GCSAML: variants seen among roughly 807,000 people sequenced by gnomAD.
GCSAML encodes the protein germinal center-associated signaling and motility-like protein.
Under a neutral mutation model 13.0 loss-of-function variants are expected in GCSAML, and 9 were observed. That is an observed-to-expected ratio of 0.69 (90% CI 0.42 to 1.21). The LOEUF is 1.21. GCSAML is among the 50% of genes most tolerant of loss of function. The probability of loss-of-function intolerance (pLI) is 0.00; values close to 1 mark genes in which losing one functional copy is unlikely to be tolerated. For missense variants in GCSAML, 143 were observed against 153.4 expected, an observed-to-expected ratio of 0.93 and a Z score of 0.36; for synonymous variants, 37 against 52.9, an observed-to-expected ratio of 0.70 and a Z score of 1.31.
At chr1:247,511,114 G>A (rs1666020876) in intron 1 of GCSAML, among the ~76,000 whole-genome samples, 3 of 151,762 alleles carry the variant, frequency 2.0e-5, no homozygotes, top group Admixed American at 2.0e-4. Context: ...CCAGTTTATT[G>A]TGTGGGAGTC....
Position 247,524,488 on chromosome 1 carries a change from G to A in GCSAML, c.-262-2452G>A, listed in dbSNP as rs771277326. Among the ~76,000 whole-genome samples the A allele has an allele frequency of 2.6e-5, 4 of 152,126 alleles. No individual in the cohort carries two copies. In the South Asian group the frequency reaches 6.2e-4, roughly 24 times the overall value. On this transcript the variant is annotated intron_variant, in intron 1 of 5. Coordinates refer to the GCSAML transcript ENST00000366489. Reference sequence around the variant, plus strand: ...TGGCAGTTGATCGTATCTCTTAACCGACATTCTCATTTGCTTGCTTTGTTG... The same window carrying A: ...TGGCAGTTGATCGTATCTCTTAACCAACATTCTCATTTGCTTGCTTTGTTG...
Position 247,577,314 on chromosome 1 carries a change from G to T in GCSAML, c.*2932G>T, listed in dbSNP as rs1449039045. 6.6e-6 allele frequency: 1 copy of T among 152,148 alleles called. No homozygotes were observed. Among genetic ancestry groups the T allele is most frequent in the Non-Finnish European group, 1.5e-5 (1 of 68,038 alleles). 9.4% of individuals were successfully genotyped at this position (152,148 alleles called of 1,614,324 possible). On this transcript the variant is annotated 3_prime_UTR_variant, in exon 5 of 5. Coordinates refer to ENST00000366488, the MANE Select transcript of GCSAML (RefSeq NM_145278.5). The stretch of plus-strand genomic sequence containing the variant: ...TTTGTCAAATGTATTCACCCATGTA[G>T]TCACCTCCTTATGAAGAGACAGAAC...
At chr1:247,509,931 G>C (rs190414513) in intron 1 of GCSAML, among the ~76,000 whole-genome samples, 33 of 152,186 alleles carry the variant, frequency 2.2e-4, no homozygotes, top group African/African-American at 7.7e-4. Flanking sequence ...TTTTTGCTTC[G>C]ATGTTCATCA....
rs887016482 is a variant in GCSAML, at chr1:247,576,318, G to A, written c.*1936G>A. 6.6e-6 allele frequency: 1 copy of A among 152,184 alleles called. No homozygotes were observed. Among genetic ancestry groups the A allele is most frequent in the African/African-American group, 2.4e-5 (1 of 41,446 alleles). The allele number at this position is 152,184 out of a possible 1,614,324, so 9.4% of individuals were successfully genotyped here. ...CGAGTACTTTGGGAAGCCAAGACAG[G>A]TGGATCTCTTGAGCCCAGGAGTTTG... On this transcript the variant is annotated 3_prime_UTR_variant, in exon 5 of 5. Transcript: ENST00000366488.
rs1361478298 is a variant in GCSAML at position 247,575,556 on chromosome 1, T to C, written c.*1174T>C. 1 of 152,200 alleles carries C rather than the reference T, an allele frequency of 6.6e-6. No individual in the cohort carries two copies. The highest frequency in any genetic ancestry group is 1.5e-5 in the Non-Finnish European group (1 of 68,030). The allele number at this position is 152,200 out of a possible 1,614,324, so 9.4% of individuals were successfully genotyped here. On this transcript the variant is annotated 3_prime_UTR_variant, in exon 5 of 5. Coordinates refer to ENST00000366488, the MANE Select transcript of GCSAML (RefSeq NM_145278.5). Reference sequence around the variant, plus strand: ...GATATTTTTGCATATAAACTTGCAGTAATAGTTCAAAAATTAATAGTTTTT... The same window carrying C: ...GATATTTTTGCATATAAACTTGCAGCAATAGTTCAAAAATTAATAGTTTTT...
chr1:247,524,028 A>ACACT (rs1291558240), intron 1 of GCSAML, among the ~76,000 whole-genome samples: 1 of 150,368 alleles, frequency 6.7e-6, no homozygotes, highest in African/African-American at 2.5e-5. Context: ...ACACACACAC[A>ACACT]CTCTGCAGAT....
At chr1:247,530,824 T>TG (rs1440579172) in intron 2 of GCSAML, 1 of 13,830 alleles carries the variant, frequency 7.2e-5, no homozygotes, top group Non-Finnish European at 2.1e-4. Flanking sequence ...ACCGCCTTCC[T>TG]CGCCCTCCAC....
At chr1:247,562,606 C>T (rs747587229) in intron 2 of GCSAML, among the ~76,000 whole-genome samples, 8 of 152,184 alleles carry the variant, frequency 5.3e-5, no homozygotes, top group Non-Finnish European at 1.2e-4. Flanking sequence ...AGGCACATCT[C>T]TCTACTGTGT....
chr1:247,556,249 C>G (rs1394948880), intron 1 of GCSAML, among the ~76,000 whole-genome samples, 158 bp from the exon 2 acceptor site: 4 of 152,082 alleles, frequency 2.6e-5, no homozygotes, highest in Admixed American at 6.6e-5. Flanking sequence ...TTCTGAAATG[C>G]ATTCTATCTG....
At position 247,513,113 on chromosome 1, in the gene GCSAML, G is replaced by A. The variant is rs916209716; in HGVS notation, c.-263+5880G>A. ...GTCTGCTGAAGCTGTGCCCATAGCC[G>A]CCCCTTCCCCCAGGTGCTCTGTCCC... On this transcript the variant is annotated intron_variant, in intron 1 of 5. Transcript: ENST00000366489. Among the ~76,000 whole-genome samples, 12 of 152,182 alleles carry A rather than the reference G, an allele frequency of 7.9e-5. No individual in the cohort carries two copies. In the East Asian group the frequency reaches 1.2e-3, roughly 15 times the overall value.
intron 1 of GCSAML, among the ~76,000 whole-genome samples, chr1:247,511,504 A>C (rs2103296558): frequency 6.6e-6 from 1 of 152,312 alleles, no homozygotes; most frequent in African/African-American, 2.4e-5. Flanking sequence ...TGGGGCACTC[A>C]GCTCATTCAT....
upstream of GCSAML, among the ~76,000 whole-genome samples, chr1:247,546,508 G>C (rs541442896): frequency 7.9e-5 from 12 of 152,014 alleles, no homozygotes; most frequent in African/African-American, 2.9e-4. Context: ...ACAGGTGCCC[G>C]CCACCACGCC....
intron 2 of GCSAML, chr1:247,531,870 G>A (rs1666980512): frequency 6.2e-7 from 1 of 1,614,216 alleles, no homozygotes; most frequent in Non-Finnish European, 8.5e-7. Context: ...AGACCAGGAT[G>A]AGCCCCAGAG....
At chr1:247,554,613 CATT>C (rs1667893675) in intron 1 of GCSAML, among the ~76,000 whole-genome samples, 1 of 152,086 alleles carries the variant, frequency 6.6e-6, no homozygotes, top group Non-Finnish European at 1.5e-5. Flanking sequence ...GTGTAGCTTG[CATT>C]ATTATTTTAT....
chr1:247,525,274 T>C (rs1666633103), intron 1 of GCSAML: 1 of 152,204 alleles, frequency 6.6e-6, no homozygotes, highest in African/African-American at 2.4e-5. Flanking sequence ...CAGCTGGGTG[T>C]CCTTCAATTC....
At chr1:247,522,306 C>CCCCGCCCGGCCAGCCGCCCCG (rs1666477037) in intron 1 of GCSAML, among the ~76,000 whole-genome samples, 2 of 143,244 alleles carry the variant, frequency 1.4e-5, no homozygotes, top group Non-Finnish European at 3.1e-5. Context: ...TGGGGGGCGC[C>CCCCGCCCGGCCAGCCGCCCCG]TCCACCTGGC....
intron 1 of GCSAML, among the ~76,000 whole-genome samples, chr1:247,507,904 C>T (rs1485656326): frequency 6.6e-6 from 1 of 152,126 alleles, no homozygotes; most frequent in Non-Finnish European, 1.5e-5. Flanking sequence ...TTTCTTTATC[C>T]AGTCTATCAC....
chr1:247,548,999 T>TCTGCCTCCCCTTTCGAGCTCTTC (rs1437558315), upstream of GCSAML: 1 of 1,496,818 alleles, frequency 6.7e-7, no homozygotes, highest in East Asian at 2.5e-5. The surrounding 1 kb of genome is among the most constrained non-coding windows in gnomAD (Gnocchi z 5.3). Context: ...CATTTTCCTT[T>TCTGCCTCCCCTTTCGAGCTCTTC]CTGCCTCCCC....
chr1:247,512,900 G>A (rs1666088637), intron 1 of GCSAML, among the ~76,000 whole-genome samples: 1 of 152,176 alleles, frequency 6.6e-6, no homozygotes, highest in East Asian at 1.9e-4. Flanking sequence ...TCCCAGAGAA[G>A]CACCCACCAG....
Sources: allele counts gnomAD v4.1 joint callset (sites outside exome capture counted in the v4.1 genomes callset), GRCh38; gene constraint gnomAD v4.1.1; non-coding constraint Gnocchi (gnomAD v3.1); transcripts MANE v1.5; gene names NCBI Gene and HGNC (gene_info 2026-07-23, HGNC 2026-07-21).